CROCC2: variants seen among roughly 807,000 people sequenced by gnomAD.
CROCC2 encodes the protein ciliary rootlet coiled-coil, rootletin family member 2.
CROCC2 carries 163 observed loss-of-function variants against 177.6 expected under a neutral mutation model. The ratio of observed to expected loss-of-function variants is 0.92; its 90% confidence interval spans 0.81 to 1.05. The LOEUF (loss-of-function observed/expected upper bound fraction) is 1.05. CROCC2 is among the 50% of genes least tolerant of loss of function. The pLI is 0.00. For missense variants in CROCC2, 1,929 were observed against 1,797.8 expected (o/e 1.07, Z -1.32); for synonymous variants, 904 against 787.3 (o/e 1.15, Z -2.48).
At chr2:240,914,333 G>T (rs1160281046) in intron 1 of CROCC2, among the ~76,000 whole-genome samples, 1 of 152,238 alleles carries the variant, frequency 6.6e-6, no homozygotes, top group Non-Finnish European at 1.5e-5. Flanking sequence ...AGCCTCCAAT[G>T]CAGGCCAGGA....
chr2:240,931,497 G>A (rs1381754567), intron 7 of CROCC2, among the ~76,000 whole-genome samples: 1 of 152,208 alleles, frequency 6.6e-6, no homozygotes, highest in East Asian at 1.9e-4. Context: ...GAGGCAGGAA[G>A]AGGGACCAGG....
At position 240,935,497 on chromosome 2, in the gene CROCC2, G is replaced by A. The variant is rs2059462919; in HGVS notation, c.2078G>A (p.Cys693Tyr). Residue 693 changes from cysteine (C) to tyrosine (Y), a missense_variant, in exon 14 of 32, where the codon TGC becomes TAC. Coordinates refer to ENST00000690015, the MANE Select transcript of CROCC2 (RefSeq NM_001351305.2). ...GAGCGCAGGGGCCTGCAGCAGGCCTGCGGACGCCTGGAGCAGCGGCAGGAG... is the reference window on the plus strand; with the variant it reads ...GAGCGCAGGGGCCTGCAGCAGGCCTACGGACGCCTGGAGCAGCGGCAGGAG... ...RAERRGLQQA[C>Y]GRLEQRQEQL... is the part of the protein sequence containing the mutation. 1 of 1,346,604 alleles carries A rather than the reference G, an allele frequency of 7.4e-7. No homozygotes were observed. Among genetic ancestry groups the A allele is most frequent in the East Asian group, 3.0e-5 (1 of 33,414 alleles). The allele number at this position is 1,346,604 out of a possible 1,614,324, so 83.4% of individuals were successfully genotyped here. A position where few individuals can be genotyped will look rare whatever the true frequency, so the allele number is the denominator to read the frequency against.
chr2:240,960,173 G>A lies in CROCC2; in HGVS notation c.3087+729G>A, dbSNP rs1313182105. 2.0e-5 allele frequency among the ~76,000 whole-genome samples: 3 copies of A among 152,250 alleles called. No homozygotes were observed. Among genetic ancestry groups the A allele is most frequent in the African/African-American group, 7.2e-5 (3 of 41,466 alleles). On this transcript the variant is annotated intron_variant, in intron 20 of 31. Coordinates refer to ENST00000690015, the MANE Select transcript of CROCC2 (RefSeq NM_001351305.2). This position sits in a 1 kb window ranked among gnomAD's most constrained non-coding sequence, Gnocchi z 5.0. ...CGGACCCTTGGCCAAGAGGCCCATC[G>A]AGCCATCCACTGAGGCACGGGGAGG...
chr2:240,985,779 C>T, intron 28 of CROCC2: 2 of 336,438 alleles, frequency 5.9e-6, no homozygotes, highest in South Asian at 4.3e-5. Context: ...AGGCACTCAG[C>T]ACACACCCAG....
chr2:240,932,918 C>A lies in CROCC2; in HGVS notation c.1251+10C>A, dbSNP rs1407371294. 12 of 1,544,394 alleles carry A rather than the reference C, an allele frequency of 7.8e-6. No homozygotes were observed. The highest frequency in any genetic ancestry group is 1.0e-5 in the Non-Finnish European group (12 of 1,146,238). Reference sequence around the variant, plus strand: ...GTGGCGGCGGGAACAGGTGGGCAGCCGCAGCCCACAGGACTCCCTGTCTCC... The same window carrying A: ...GTGGCGGCGGGAACAGGTGGGCAGCAGCAGCCCACAGGACTCCCTGTCTCC... On this transcript the variant is annotated intron_variant, in intron 9 of 31. Transcript: ENST00000690015.
At chr2:240,991,125 C>T in intron 30 of CROCC2, 71 bp from the exon 31 acceptor site, 1 of 1,189,472 alleles carries the variant, frequency 8.4e-7, no homozygotes, top group Non-Finnish European at 1.2e-6. Context: ...CAGAGCCCTC[C>T]ATGCCTCTAT....
intron 7 of CROCC2, 63 bp downstream of exon 7, chr2:240,931,191 G>A (rs1195650292): frequency 1.5e-5 from 10 of 651,062 alleles, no homozygotes; most frequent in Middle Eastern, 4.0e-4. Flanking sequence ...CCCATCCAGC[G>A]TGCCGAGCAG....
At chr2:240,936,000 G>C (rs1241108479) in intron 14 of CROCC2, among the ~76,000 whole-genome samples, 1 of 148,694 alleles carries the variant, frequency 6.7e-6, no homozygotes, top group Admixed American at 6.9e-5. Flanking sequence ...TGTTGAGGAA[G>C]CTCAACTCAC....
chr2:240,935,120 GGTC>G, intron 13 of CROCC2, 58 bp downstream of exon 13: 1 of 1,327,230 alleles, frequency 7.5e-7, no homozygotes, highest in Non-Finnish European at 9.7e-7. Flanking sequence ...GGTGGCTGTG[GGTC>G]TCCCAGCCCT....
chr2:240,938,576 C>A (rs1213174434), intron 14 of CROCC2, among the ~76,000 whole-genome samples: 1 of 152,230 alleles, frequency 6.6e-6, no homozygotes, highest in Non-Finnish European at 1.5e-5. Flanking sequence ...TTAGAATCAT[C>A]TTGTCAATTT....
At chr2:240,989,603 G>A (rs747495979) in intron 29 of CROCC2, 51 bp from the exon 30 acceptor site, 4 of 1,499,004 alleles carry the variant, frequency 2.7e-6, no homozygotes, top group Admixed American at 4.2e-5. Context: ...CTGGGATTCT[G>A]TGCGGCCCTC....
At chr2:240,956,649 A>T (rs1298169247) in intron 19 of CROCC2, among the ~76,000 whole-genome samples, 1 of 152,246 alleles carries the variant, frequency 6.6e-6, no homozygotes, top group Admixed American at 6.5e-5. Flanking sequence ...GACAGGCAGC[A>T]GCAAATATGG....
Position 240,914,900 on chromosome 2 carries a change from C to T in CROCC2, c.79-3826C>T, listed in dbSNP as rs77121814. ...TGACGAGGGTGTGGGGGATTTCCCT[C>T]CAAGTCTTCTGACCCCTGACAGCAT... On this transcript the variant is annotated intron_variant, in intron 1 of 31. Coordinates refer to ENST00000690015, the MANE Select transcript of CROCC2 (RefSeq NM_001351305.2). Among the ~76,000 whole-genome samples the T allele has an allele frequency of 0.019, 2,872 of 152,332 alleles. 225 individuals are homozygous for T. In the East Asian group the frequency reaches 0.23, roughly 12 times the overall value.
intron 27 of CROCC2, among the ~76,000 whole-genome samples, chr2:240,974,798 C>T (rs1452122723): frequency 1.3e-5 from 2 of 152,128 alleles, no homozygotes; most frequent in Non-Finnish European, 2.9e-5. Context: ...TGGTTTGGTA[C>T]GTGTCCCATC....
At chr2:240,929,723 AG>A in intron 5 of CROCC2, 1 of 459,028 alleles carries the variant, frequency 2.2e-6, no homozygotes, top group Non-Finnish European at 4.4e-6. Context: ...TACTGGAGAA[AG>A]GCAGCCCGTC....
Position 240,935,372 on chromosome 2 carries a change from GGAC to G in CROCC2, c.1954_1956del (p.Asp652del), listed in dbSNP as rs1322698533. ...CCTGGTGGCAGCTGGAGCAGGAGCGGGACCAGCTGCGGGAACAGCGGAAGACTC... is the reference window on the plus strand; with the variant it reads ...CCTGGTGGCAGCTGGAGCAGGAGCGGCAGCTGCGGGAACAGCGGAAGACTC... On this transcript the variant is annotated inframe_deletion, in exon 14 of 32. Transcript: ENST00000690015. 1.5e-6 allele frequency: 2 copies of G among 1,358,872 alleles called. No individual in the cohort carries two copies. Among genetic ancestry groups the G allele is most frequent in the African/African-American group, 3.0e-5 (2 of 65,674 alleles). 84.2% of individuals were successfully genotyped at this position (1,358,872 alleles called of 1,614,324 possible). A position where few individuals can be genotyped will look rare whatever the true frequency, so the allele number is the denominator to read the frequency against.
At chr2:240,913,687 T>G (rs2059301568) in intron 1 of CROCC2, among the ~76,000 whole-genome samples, 1 of 152,250 alleles carries the variant, frequency 6.6e-6, no homozygotes, top group African/African-American at 2.4e-5. Flanking sequence ...ATGTTCCCGC[T>G]CCTGGGTGAT....
At chr2:240,921,811 T>A (rs1321846944) in intron 3 of CROCC2, among the ~76,000 whole-genome samples, 1 of 152,210 alleles carries the variant, frequency 6.6e-6, no homozygotes, top group African/African-American at 2.4e-5. Flanking sequence ...TCCCATGCAT[T>A]TGGCCCAGGC....
chr2:240,933,895 G>T, intron 11 of CROCC2, 43 bp downstream of exon 11: 2 of 1,521,606 alleles, frequency 1.3e-6, no homozygotes, highest in African/African-American at 1.4e-5. Context: ...TCCCACAGAA[G>T]AGACCCCACT....
Sources: gnomAD v4.1 joint callset for allele counts (sites outside exome capture counted in the v4.1 genomes callset) on GRCh38, gnomAD v4.1.1 for gene constraint, Gnocchi (gnomAD v3.1) non-coding constraint, MANE v1.5 for transcripts, NCBI Gene and HGNC (gene_info 2026-07-23, HGNC 2026-07-21) for gene names.